Variants in VPS54 observed in about 807,000 individuals in gnomAD.
VPS54 encodes VPS54 subunit of GARP complex.
Under a neutral mutation model 121.5 loss-of-function variants are expected in VPS54, and 45 were observed. That is an observed-to-expected ratio of 0.37 (90% CI 0.29 to 0.47). The LOEUF is 0.47. VPS54 is among the 20% of genes least tolerant of loss of function. VPS54 has a pLI of 0.99. For synonymous variants in VPS54, 371 were observed against 385.8 expected, an observed-to-expected ratio of 0.96 and a Z score of 0.45; for missense variants, 1,090 against 1,131.4, an observed-to-expected ratio of 0.96 and a Z score of 0.52.
chr2:63,930,473 C>A (rs960925352), intron 12 of VPS54, among the ~76,000 whole-genome samples: 6 of 152,072 alleles, frequency 3.9e-5, no homozygotes, highest in Non-Finnish European at 7.4e-5. Flanking sequence ...GCCTTTCATG[C>A]TAAAAACTCT....
intron 7 of VPS54, 125 bp from the exon 8 acceptor site, chr2:63,949,288 T>C: frequency 2.1e-6 from 2 of 935,686 alleles, no homozygotes; most frequent in East Asian, 5.4e-5. Context: ...TGCAATGTTT[T>C]CAAAAAATGA....
chr2:63,946,490 AAT>A (rs1456392309), intron 9 of VPS54, among the ~76,000 whole-genome samples: 4 of 152,136 alleles, frequency 2.6e-5, no homozygotes, highest in African/African-American at 9.7e-5. Flanking sequence ...CCAATTTAAA[AAT>A]AGTGTTTTAA....
chr2:63,980,854 G>C (rs567761799), intron 3 of VPS54, among the ~76,000 whole-genome samples: 1 of 152,022 alleles, frequency 6.6e-6, no homozygotes, highest in African/African-American at 2.4e-5. Context: ...TCAATGATCA[G>C]ATCTAAGTGA....
chr2:63,916,761 G>C (rs1673397648), intron 16 of VPS54, 139 bp downstream of exon 16: 1 of 737,040 alleles, frequency 1.4e-6, no homozygotes. Context: ...TAAGTTCTTT[G>C]CAGGATTTAA....
intron 1 of VPS54, among the ~76,000 whole-genome samples, chr2:64,015,786 TAAG>T (rs1678658665): frequency 6.6e-6 from 1 of 152,198 alleles, no homozygotes; most frequent in South Asian, 2.1e-4. Flanking sequence ...ATTAATAGTA[TAAG>T]AAGATATCTA....
At chr2:63,928,263 G>A (rs1674009507) in intron 12 of VPS54, among the ~76,000 whole-genome samples, 1 of 152,208 alleles carries the variant, frequency 6.6e-6, no homozygotes, top group Non-Finnish European at 1.5e-5. Flanking sequence ...CAGCCAGAGA[G>A]AAAGGTCAGG....
rs551778757 is a variant in VPS54 at position 63,904,539 on chromosome 2, A to T, written c.2626-4958T>A. Among the ~76,000 whole-genome samples the T allele has an allele frequency of 1.6e-3, 241 of 152,188 alleles. 2 individuals are homozygous for T. The highest frequency in any genetic ancestry group is 5.5e-3 in the African/African-American group (228 of 41,554). On this transcript the variant is annotated intron_variant, in intron 20 of 22. Transcript: ENST00000272322. Reference sequence around the variant, plus strand: ...ATGTATCCAGCAATAGAACTTCAAGATACATATAACAAAAACTTGCAAAGA... The same window carrying T: ...ATGTATCCAGCAATAGAACTTCAAGTTACATATAACAAAAACTTGCAAAGA...
intron 3 of VPS54, among the ~76,000 whole-genome samples, chr2:63,974,395 T>C (rs1432362359): frequency 2.0e-5 from 3 of 152,230 alleles, no homozygotes; most frequent in African/African-American, 7.2e-5. Flanking sequence ...TCCTCCAGCT[T>C]TGTTCCTCTT....
At chr2:63,998,142 A>G (rs903078058) in intron 1 of VPS54, among the ~76,000 whole-genome samples, 1 of 152,194 alleles carries the variant, frequency 6.6e-6, no homozygotes, top group African/African-American at 2.4e-5. Flanking sequence ...AGGTGCATAT[A>G]TATTTACAAT....
chr2:63,898,707 C>T (rs1001314599), intron 21 of VPS54, among the ~76,000 whole-genome samples: 4 of 151,930 alleles, frequency 2.6e-5, no homozygotes, highest in Non-Finnish European at 4.4e-5. Flanking sequence ...ATTAGTCATA[C>T]AGCAACTAGA....
At chr2:63,967,718 C>CAAAATAAAAAAAAAAAAAAA (rs1676070013) in intron 5 of VPS54, among the ~76,000 whole-genome samples, 1 of 52,988 alleles carries the variant, frequency 1.9e-5, no homozygotes, top group Non-Finnish European at 3.7e-5. Flanking sequence ...GACTCTGCCT[C>CAAAATAAAAAAAAAAAAAAA]AAAAAAAAAA....
intron 12 of VPS54, among the ~76,000 whole-genome samples, chr2:63,932,187 C>T (rs1248649895): frequency 2.6e-5 from 4 of 152,182 alleles, no homozygotes; most frequent in African/African-American, 4.8e-5. Context: ...AATGATTCTA[C>T]GATGAAGACA....
intron 18 of VPS54, among the ~76,000 whole-genome samples, chr2:63,912,883 TGTGA>T (rs898086602): frequency 3.9e-5 from 6 of 152,232 alleles, no homozygotes; most frequent in African/African-American, 1.4e-4. Flanking sequence ...GGACTCAAGT[TGTGA>T]GTATTATCAG....
In VPS54 at chr2:63,965,944, G is replaced by A. The variant is rs1214324346; in HGVS notation, c.515C>T (p.Ala172Val). 1.2e-6 allele frequency: 2 copies of A among 1,606,394 alleles called. No homozygotes were observed. Among genetic ancestry groups the A allele is most frequent in the Non-Finnish European group, 1.7e-6 (2 of 1,177,686 alleles). ...ATTAAAAGTTAAGGAATCATCCAAG[G>A]CAAAATCTGGTTTCATAAAAATCTA... Reference protein sequence around the residue: ...VPKIFMKPDFALDDSLTFNSV... With the variant: ...VPKIFMKPDFVLDDSLTFNSV... The change falls in exon 6 of 23, where the codon GCC becomes GTC. Residue 172 changes from alanine (A) to valine (V), a missense_variant. Coordinates refer to ENST00000272322, the MANE Select transcript of VPS54 (RefSeq NM_016516.3).
At chr2:63,916,191 T>G (rs1418213125) in intron 16 of VPS54, among the ~76,000 whole-genome samples, 3 of 152,190 alleles carry the variant, frequency 2.0e-5, no homozygotes, top group Non-Finnish European at 2.9e-5. Flanking sequence ...TACAATGTAG[T>G]TGTAAAGATC....
At chr2:63,991,862 C>T (rs1370962456) in intron 1 of VPS54, among the ~76,000 whole-genome samples, 1 of 152,194 alleles carries the variant, frequency 6.6e-6, no homozygotes, top group Non-Finnish European at 1.5e-5. Context: ...GTCCCAGCCT[C>T]TTCTTCTCAG....
chr2:63,934,118 A>G lies in VPS54; in HGVS notation c.1399-105T>C, dbSNP rs968762857. ...TAATTTTGGACATCTATAATCATAA[A>G]TGAGTCAAAGTCATGTATATCAGAA... is the stretch of plus-strand genomic sequence containing the variant. On this transcript the variant is annotated intron_variant, in intron 11 of 22. Transcript: ENST00000272322. 3 of 991,738 alleles carry G rather than the reference A, an allele frequency of 3.0e-6. No individual in the cohort carries two copies. In the Admixed American group the frequency reaches 8.5e-5, roughly 28 times the overall value. The allele number at this position is 991,738 out of a possible 1,614,324, so 61.4% of individuals were successfully genotyped here. A position where few individuals can be genotyped will look rare whatever the true frequency, so the allele number is the denominator to read the frequency against.
intron 20 of VPS54, among the ~76,000 whole-genome samples, chr2:63,900,254 A>AGTATGATC (rs1394351709): frequency 6.7e-6 from 1 of 149,442 alleles, no homozygotes; most frequent in Non-Finnish European, 1.5e-5. Context: ...AGAATGTGTC[A>AGTATGATC]GTATGATCGT....
intron 3 of VPS54, among the ~76,000 whole-genome samples, chr2:63,981,429 G>A (rs1423960916): frequency 6.6e-6 from 1 of 151,910 alleles, no homozygotes; most frequent in East Asian, 1.9e-4. Context: ...AGCATTATTT[G>A]GAATGTGTAA....
Sources: allele counts gnomAD v4.1 joint callset (sites outside exome capture counted in the v4.1 genomes callset), GRCh38; gene constraint gnomAD v4.1.1; transcripts MANE v1.5; gene names NCBI Gene and HGNC (gene_info 2026-07-23, HGNC 2026-07-21).